Variants in ENKUR observed in about 807,000 individuals in gnomAD.
ENKUR encodes enkurin.
Under a neutral mutation model 27.6 loss-of-function variants are expected in ENKUR, and 19 were observed. The ratio of observed to expected loss-of-function variants is 0.69; its 90% CI spans 0.48 to 1.01. The LOEUF is 1.01. Ranked by LOEUF, ENKUR falls within the 50% of genes least tolerant of loss-of-function variation. ENKUR has a pLI of 0.00. For synonymous variants in ENKUR, 117 were observed against 96.9 expected (o/e 1.21, Z -1.22); for missense variants, 312 against 310.5 (o/e 1.00, Z -0.04).
At chr10:24,990,086 T>C (rs984654599) in intron 4 of ENKUR, among the ~76,000 whole-genome samples, 1 of 152,194 alleles carries the variant, frequency 6.6e-6, no homozygotes. Context: ...TAGAGCTCCA[T>C]CTAGTGAAAA....
chr10:25,004,765 T>C (rs1416266534), intron 1 of ENKUR, among the ~76,000 whole-genome samples: 1 of 152,234 alleles, frequency 6.6e-6, no homozygotes, highest in Non-Finnish European at 1.5e-5. Flanking sequence ...TTTACTTTAA[T>C]TAGATCCCAT....
At chr10:25,060,544 G>A (rs1215634848) in intron 2 of ENKUR, among the ~76,000 whole-genome samples, 2 of 152,242 alleles carry the variant, frequency 1.3e-5, no homozygotes, top group South Asian at 2.1e-4. Flanking sequence ...TAAATACACC[G>A]AAAATACGAT....
intron 1 of ENKUR, among the ~76,000 whole-genome samples, chr10:25,014,494 TAAAG>T (rs1257906851): frequency 1.3e-5 from 2 of 151,932 alleles, no homozygotes; most frequent in South Asian, 2.1e-4. Context: ...GCCAAATGAA[TAAAG>T]ACTGTTCCTA....
intron 2 of ENKUR, among the ~76,000 whole-genome samples, chr10:25,049,006 C>T (rs1240677556): frequency 2.0e-5 from 3 of 151,956 alleles, no homozygotes; most frequent in Non-Finnish European, 2.9e-5. Flanking sequence ...TAAAGAATAG[C>T]GATTAAGAAG....
intron 2 of ENKUR, chr10:25,061,040 A>T (rs1010322550): frequency 1.4e-6 from 2 of 1,407,040 alleles, no homozygotes; most frequent in Non-Finnish European, 1.9e-6. Context: ...TGAGACAAGG[A>T]TATCTCTAAG....
intron 2 of ENKUR, among the ~76,000 whole-genome samples, chr10:25,044,580 A>G (rs1039365241): frequency 6.6e-6 from 1 of 152,074 alleles, no homozygotes; most frequent in African/African-American, 2.4e-5. Flanking sequence ...CATATTTTGT[A>G]GAGACATAGT....
At chr10:25,026,638 T>A (rs943343038) in intron 2 of ENKUR, 8 of 162,614 alleles carry the variant, frequency 4.9e-5, no homozygotes, top group Non-Finnish European at 1.2e-4. Flanking sequence ...GATGTTTTCT[T>A]TCTGAATTAA....
intron 2 of ENKUR, among the ~76,000 whole-genome samples, chr10:25,048,984 G>C (rs753979423): frequency 2.0e-5 from 3 of 152,116 alleles, no homozygotes; most frequent in Non-Finnish European, 4.4e-5. Flanking sequence ...GTGCCTTCTA[G>C]GAGGCTGTAT....
At chr10:25,035,187 G>C (rs1850993062) in intron 2 of ENKUR, among the ~76,000 whole-genome samples, 1 of 152,158 alleles carries the variant, frequency 6.6e-6, no homozygotes, top group Non-Finnish European at 1.5e-5. Flanking sequence ...TTTTGTCCAT[G>C]AACTCAGTTG....
chr10:24,995,881 A>G lies in ENKUR; in HGVS notation c.224-12T>C, dbSNP rs1442952759. On this transcript the variant is annotated splice_polypyrimidine_tract_variant and intron_variant, in intron 2 of 5. Transcript: ENST00000331161. ...ATCAAAGTTTTTTTCTGTTAAATATAACATTTCTTTGTTAATATTAAACTA... is the reference window on the plus strand; with the variant it reads ...ATCAAAGTTTTTTTCTGTTAAATATGACATTTCTTTGTTAATATTAAACTA... The G allele has an allele frequency of 6.3e-7, 1 of 1,589,422 alleles. No homozygotes were observed. Among genetic ancestry groups the G allele is most frequent in the East Asian group, 2.2e-5 (1 of 44,688 alleles).
chr10:25,032,529 T>C (rs955458579), intron 2 of ENKUR, among the ~76,000 whole-genome samples: 11 of 152,208 alleles, frequency 7.2e-5, no homozygotes, highest in Admixed American at 7.2e-4. Flanking sequence ...AACTGCTTTT[T>C]ATACAGATTT....
At chr10:25,002,551 G>A (rs1850212580) in intron 1 of ENKUR, among the ~76,000 whole-genome samples, 1 of 152,078 alleles carries the variant, frequency 6.6e-6, no homozygotes. Flanking sequence ...ACTCTATGTT[G>A]TTTATTGTTC....
At chr10:25,042,919 ACC>A (rs1851081579) in intron 2 of ENKUR, among the ~76,000 whole-genome samples, 1 of 152,170 alleles carries the variant, frequency 6.6e-6, no homozygotes, top group Non-Finnish European at 1.5e-5. Flanking sequence ...TTAATCCTAA[ACC>A]TATTTGGGAC....
At chr10:25,025,709 G>A (rs1204916784) in intron 2 of ENKUR, 3 of 400,278 alleles carry the variant, frequency 7.5e-6, no homozygotes, top group Admixed American at 4.2e-5. Flanking sequence ...GCTCATGAGG[G>A]GTGTATCAAT....
rs188248729 is a variant in ENKUR, at chr10:25,039,533, T to C, written c.37+21579A>G. Among the ~76,000 whole-genome samples, 374 of 152,232 alleles carry C rather than the reference T, an allele frequency of 2.5e-3. 5 individuals carry two copies. The highest frequency in any genetic ancestry group is 8.4e-3 in the African/African-American group (347 of 41,544). On this transcript the variant is annotated intron_variant, in intron 2 of 5. Transcript: ENST00000615958. ...AGGTGGAGGTTGCAGTGAGCAGAGA[T>C]TGTGCCACTGCATTCCAACCTGGGG...
At chr10:25,061,914 C>A (rs2130505091) in intron 1 of ENKUR, among the ~76,000 whole-genome samples, 1 of 152,290 alleles carries the variant, frequency 6.6e-6, no homozygotes, top group East Asian at 1.9e-4. Context: ...TAGTTACTGG[C>A]ACATGGAAGG....
intron 2 of ENKUR, among the ~76,000 whole-genome samples, chr10:25,027,357 C>CAAAAAAAAA (rs71399946): frequency 1.2e-4 from 6 of 48,490 alleles, no homozygotes; most frequent in African/African-American, 5.4e-4. Context: ...ACTCCCGTCT[C>CAAAAAAAAA]AAAAAAAAAA....
At chr10:25,050,434 T>C (rs756628536) in intron 2 of ENKUR, among the ~76,000 whole-genome samples, 2 of 152,166 alleles carry the variant, frequency 1.3e-5, no homozygotes, top group South Asian at 2.1e-4. Context: ...CAAAGTCACG[T>C]CTTGCATGGT....
At chr10:25,053,101 AGGAAATAAAAT>A in intron 2 of ENKUR, among the ~76,000 whole-genome samples, 1 of 151,128 alleles carries the variant, frequency 6.6e-6, no homozygotes, top group East Asian at 1.9e-4. Flanking sequence ...AAAGGACTGG[AGGAAATAAAAT>A]GGGAGGAAAC....
Sources: gnomAD v4.1 joint callset for allele counts (sites outside exome capture counted in the v4.1 genomes callset) on GRCh38, gnomAD v4.1.1 for gene constraint, MANE v1.5 for transcripts, NCBI Gene and HGNC (gene_info 2026-07-23, HGNC 2026-07-21) for gene names.